Variants in PFKFB3 observed in about 807,000 individuals in gnomAD.
PFKFB3 encodes the protein 6-phosphofructo-2-kinase/fructose-2,6-bisphosphatase 3.
PFKFB3 carries 33 observed loss-of-function variants against 68.0 expected under a neutral mutation model. That is an observed-to-expected ratio of 0.49 (90% CI 0.37 to 0.65). The LOEUF (loss-of-function observed/expected upper bound fraction) is 0.65, where lower values mean the gene tolerates loss of function less well. Ranked by LOEUF, PFKFB3 falls within the 30% of genes least tolerant of loss-of-function variation. PFKFB3 has a pLI of 0.00. For synonymous variants in PFKFB3, 315 were observed against 288.2 expected, an observed-to-expected ratio of 1.09 and a Z score of -0.94; for missense variants, 586 against 712.2, an observed-to-expected ratio of 0.82 and a Z score of 2.02.
Position 6,203,027 on chromosome 10 carries a change from C to T in PFKFB3, c.-234C>T, listed in dbSNP as rs565058212. 324 of 1,373,558 alleles carry T rather than the reference C, an allele frequency of 2.4e-4. No homozygotes were observed. In the African/African-American group the frequency reaches 4.6e-3, roughly 19 times the overall value. The allele number at this position is 1,373,558 out of a possible 1,614,324, so 85.1% of individuals were successfully genotyped here. A position where few individuals can be genotyped will look rare whatever the true frequency, so the allele number is the denominator to read the frequency against. ...CCCAGAGCTTTCCGAGCGGACGAGCCGGCCGTGCCGGGCATCCCCAGCCTC... is the reference window on the plus strand; with the variant it reads ...CCCAGAGCTTTCCGAGCGGACGAGCTGGCCGTGCCGGGCATCCCCAGCCTC... On this transcript the variant is annotated 5_prime_UTR_variant, in exon 1 of 15. Transcript: ENST00000379775.
chr10:6,224,207 G>A lies in PFKFB3; in HGVS notation c.1335G>A (p.Arg445=), dbSNP rs745993283. The change falls in exon 13 of 15, where the codon AGG becomes AGA. Residue 445 remains arginine, a synonymous_variant. Coordinates refer to ENST00000379775, the MANE Select transcript of PFKFB3 (RefSeq NM_004566.4). The stretch of plus-strand genomic sequence containing the variant: ...AGTCCGTCTGCACACACCGGGAGAG[G>A]TCAGAGGTGAGTGGAGGCCCCAAGC... ...NVESVCTHRE[R]SEDAKKGPNP... 3.7e-6 allele frequency: 6 copies of A among 1,613,854 alleles called. No homozygotes were observed. Among genetic ancestry groups the A allele is most frequent in the Middle Eastern group, 1.7e-4 (1 of 6,002 alleles).
At chr10:6,293,066 G>T in the PFKFB3 span, 1 of 387,786 alleles carries the variant, frequency 2.6e-6, no homozygotes, top group South Asian at 2.3e-5. Flanking sequence ...AAACGGAGAC[G>T]TTCAGCTACA....
chr10:6,264,039 C>G, the PFKFB3 span, among the ~76,000 whole-genome samples: 29 of 152,290 alleles, frequency 1.9e-4, no homozygotes, highest in Non-Finnish European at 3.8e-4. Context: ...GTACCTAAAA[C>G]CTGCCTGGAA....
intron 1 of PFKFB3, among the ~76,000 whole-genome samples, chr10:6,167,136 T>C (rs1447186116): frequency 6.6e-6 from 1 of 152,196 alleles, no homozygotes; most frequent in African/African-American, 2.4e-5. Context: ...CCTTTCTTTT[T>C]TGCAAATCTG....
chr10:6,254,329 C>T (rs2132084865), exon 15 of PFKFB3: 1 of 398,536 alleles, frequency 2.5e-6, no homozygotes, highest in Non-Finnish European at 4.4e-6. Context: ...AGACTGGTCT[C>T]GCTTCCTCAC....
chr10:6,206,433 T>G, intron 1 of PFKFB3, among the ~76,000 whole-genome samples: 1 of 119,242 alleles, frequency 8.4e-6, no homozygotes, highest in Non-Finnish European at 1.8e-5. Flanking sequence ...AAAACCGCCA[T>G]TGTCGTCATG....
intron 1 of PFKFB3, among the ~76,000 whole-genome samples, chr10:6,181,093 T>C (rs1842700340): frequency 6.6e-6 from 1 of 151,802 alleles, no homozygotes; most frequent in African/African-American, 2.4e-5. Flanking sequence ...TAGTACACTG[T>C]AACCTCAAAC....
intron 1 of PFKFB3, among the ~76,000 whole-genome samples, chr10:6,212,351 C>T (rs913526832): frequency 5.9e-5 from 9 of 152,334 alleles, no homozygotes; most frequent in African/African-American, 2.2e-4. Flanking sequence ...CCCAGCAAAA[C>T]CCCCCTTCCT....
At chr10:6,185,291 C>G (rs530865520) in intron 1 of PFKFB3, among the ~76,000 whole-genome samples, 5 of 152,208 alleles carry the variant, frequency 3.3e-5, no homozygotes, top group Non-Finnish European at 5.9e-5. Flanking sequence ...TACAAGGCCC[C>G]TTGGGGTGGG....
At chr10:6,307,330 TACACACACACACAC>T in the PFKFB3 span, among the ~76,000 whole-genome samples, 19,905 of 99,170 alleles carry the variant, frequency 0.2, 1,390 homozygotes, top group South Asian at 0.26. Flanking sequence ...GCATGCGTAC[TACACACACACACAC>T]ACACACACAC....
the PFKFB3 span, among the ~76,000 whole-genome samples, chr10:6,281,119 G>A: frequency 4.3e-5 from 6 of 138,048 alleles, no homozygotes; most frequent in Non-Finnish European, 6.3e-5. Context: ...CCAGGTTGCC[G>A]TGAATGCCAT....
chr10:6,226,447 G>T, intron 14 of PFKFB3, 82 bp downstream of exon 14: 1 of 1,411,086 alleles, frequency 7.1e-7, no homozygotes, highest in Non-Finnish European at 9.7e-7. Context: ...GTGCGTGTGT[G>T]TTTGCAAGAA....
At position 6,171,384 on chromosome 10, in the gene PFKFB3, A is replaced by T. The variant is rs1029167014; in HGVS notation, c.16+26371A>T. Among the ~76,000 whole-genome samples the T allele has an allele frequency of 4.0e-5, 6 of 151,670 alleles. No homozygotes were observed. In the East Asian group the frequency reaches 7.8e-4, roughly 20 times the overall value. ...TTCTCTATTTTTAACTCATCTTTTA[A>T]AATTGTTCTTTCTTTCTTTTTTTTT... is the stretch of plus-strand genomic sequence containing the variant. On this transcript the variant is annotated intron_variant, in intron 1 of 14. Coordinates refer to the PFKFB3 transcript ENST00000379789.
At chr10:6,257,351 C>T (rs923312869), downstream of PFKFB3, among the ~76,000 whole-genome samples, 1 of 152,142 alleles carries the variant, frequency 6.6e-6, no homozygotes, top group South Asian at 2.1e-4. Flanking sequence ...CTTTTTGATC[C>T]TAACTCAACT....
chr10:6,267,474 G>A, the PFKFB3 span, among the ~76,000 whole-genome samples: 27 of 152,226 alleles, frequency 1.8e-4, no homozygotes, highest in African/African-American at 5.8e-4. Context: ...TTCTTAGAAC[G>A]TCATTGCCTT....
intron 1 of PFKFB3, among the ~76,000 whole-genome samples, chr10:6,189,561 C>T (rs1296149310): frequency 6.8e-6 from 1 of 147,052 alleles, no homozygotes; most frequent in African/African-American, 2.5e-5. Context: ...GTCACCCAGG[C>T]TGGAGTGCAG....
chr10:6,322,931 GT>G, the PFKFB3 span, among the ~76,000 whole-genome samples: 8 of 152,152 alleles, frequency 5.3e-5, no homozygotes, highest in Non-Finnish European at 1.0e-4. Context: ...TAGAATGTAA[GT>G]TCCATGGGGA....
chr10:6,193,642 G>A (rs1223504666), intron 1 of PFKFB3, among the ~76,000 whole-genome samples: 1 of 152,174 alleles, frequency 6.6e-6, no homozygotes, highest in Non-Finnish European at 1.5e-5. Flanking sequence ...GGGTGCAGGC[G>A]GGCTGAGTCC....
intron 14 of PFKFB3, among the ~76,000 whole-genome samples, chr10:6,252,193 C>A (rs1846398468): frequency 6.6e-6 from 1 of 152,122 alleles, no homozygotes; most frequent in Non-Finnish European, 1.5e-5. Flanking sequence ...TATGGGAGAG[C>A]CTTTTGGCTT....
Sources: allele counts gnomAD v4.1 joint callset (sites outside exome capture counted in the v4.1 genomes callset), GRCh38; gene constraint gnomAD v4.1.1; transcripts MANE v1.5; gene names NCBI Gene and HGNC (gene_info 2026-07-23, HGNC 2026-07-21).